ATRN: variants seen among roughly 807,000 people sequenced by gnomAD.
ATRN encodes the protein attractin.
A neutral mutation model predicts 178.7 loss-of-function variants in ATRN; 54 were observed. The ratio of observed to expected loss-of-function variants is 0.30; its 90% CI spans 0.24 to 0.38. The LOEUF is 0.38. ATRN is among the 10% of genes least tolerant of loss of function. The pLI is 1.00. For synonymous variants in ATRN, 636 were observed against 663.0 expected (o/e 0.96, Z 0.63); for missense variants, 1,443 against 1,815.1 (o/e 0.79, Z 3.73).
intron 14 of ATRN, 134 bp downstream of exon 14, chr20:3,577,131 T>C: frequency 4.4e-6 from 5 of 1,125,496 alleles, no homozygotes; most frequent in Non-Finnish European, 6.1e-6. Context: ...ACACGAGTAT[T>C]ATGGGCTTTT....
chr20:3,593,166 A>G (rs983944041), intron 19 of ATRN, among the ~76,000 whole-genome samples: 28 of 152,318 alleles, frequency 1.8e-4, no homozygotes, highest in African/African-American at 6.5e-4. Context: ...TCCAGATGCC[A>G]TCATACCCAC....
At chr20:3,598,127 G>A (rs1001860492) in intron 22 of ATRN, 127 bp downstream of exon 22, 3 of 612,018 alleles carry the variant, frequency 4.9e-6, no homozygotes, top group African/African-American at 1.8e-5. Context: ...ATCTCTAGAG[G>A]TATAGGAAAG....
Position 3,562,368 on chromosome 20 carries a change from C to T in ATRN, c.1540C>T (p.Leu514=), listed in dbSNP as rs1200447853. Reference sequence around the variant, plus strand: ...TGTTTACGACCATAGGACCAGGGCCCTATACGTTCATGGTGGCTACAAGGC... The same window carrying T: ...TGTTTACGACCATAGGACCAGGGCCTTATACGTTCATGGTGGCTACAAGGC... ...SSVYDHRTRA[L]YVHGGYKAFS... The change falls in exon 9 of 29, where the codon CTA becomes TTA. Residue 514 remains leucine, a synonymous_variant. Transcript: ENST00000262919. The T allele has an allele frequency of 6.2e-7, 1 of 1,614,004 alleles. No individual in the cohort carries two copies. Among genetic ancestry groups the T allele is most frequent in the Middle Eastern group, 1.6e-4 (1 of 6,084 alleles).
At chr20:3,564,836 T>C (rs1015560499) in intron 10 of ATRN, among the ~76,000 whole-genome samples, 2 of 151,978 alleles carry the variant, frequency 1.3e-5, no homozygotes, top group Non-Finnish European at 2.9e-5. Flanking sequence ...GAGGCCCAGG[T>C]GGGCAGATCA....
intron 11 of ATRN, among the ~76,000 whole-genome samples, chr20:3,571,796 T>A (rs186252692): frequency 6.6e-6 from 1 of 152,216 alleles, no homozygotes; most frequent in Non-Finnish European, 1.5e-5. Context: ...ACTTTGCTTA[T>A]AGCATTATTT....
chr20:3,609,240 A>G (rs190646602), intron 24 of ATRN, among the ~76,000 whole-genome samples: 5 of 151,824 alleles, frequency 3.3e-5, no homozygotes, highest in African/African-American at 1.2e-4. Context: ...GAGGGCTTTC[A>G]CCTCCTTGGT....
rs1463893064 is a variant in ATRN at position 3,645,430 on chromosome 20, T to A, written c.4165+1162T>A. The stretch of plus-strand genomic sequence containing the variant: ...TTGCCTGTGTTGAGGACAGGACAAC[T>A]CTCTCGTCTGTCACTCAAGTGCAGT... On this transcript the variant is annotated intron_variant, in intron 28 of 28. Transcript: ENST00000262919. This position sits in a 1 kb window ranked among gnomAD's most constrained non-coding sequence, Gnocchi z 4.7. Among the ~76,000 whole-genome samples, 1 of 152,216 alleles carries A rather than the reference T, an allele frequency of 6.6e-6. No individual in the cohort carries two copies. The highest frequency in any genetic ancestry group is 1.5e-5 in the Non-Finnish European group (1 of 68,028).
At chr20:3,481,660 A>ATTC (rs11471775) in intron 1 of ATRN, among the ~76,000 whole-genome samples, 40,556 of 151,790 alleles carry the variant, frequency 0.27, 5,951 homozygotes, top group African/African-American at 0.33. Flanking sequence ...TAAATTTTTA[A>ATTC]TTAAGTTTTC....
Position 3,644,289 on chromosome 20 carries a change from G to A in ATRN, c.4165+21G>A, listed in dbSNP as rs148273458. ...GTCAGGTGAGTAGATGCGGTCCAGC[G>A]AAAGACACCTTCTAAGCATGTGAGG... On this transcript the variant is annotated intron_variant, in intron 28 of 28. Coordinates refer to ENST00000262919, the MANE Select transcript of ATRN (RefSeq NM_139321.3). 234 of 1,559,380 alleles carry A rather than the reference G, an allele frequency of 1.5e-4. 2 individuals carry two copies. The African/African-American group carries it at 2.4e-3, about 16-fold the overall frequency.
chr20:3,629,199 C>T, intron 25 of ATRN: 1 of 985,406 alleles, frequency 1.0e-6, no homozygotes, highest in Non-Finnish European at 1.2e-6. Flanking sequence ...TTTGGCCCCT[C>T]CAGAATCCAC....
intron 11 of ATRN, 54 bp downstream of exon 11, chr20:3,565,486 G>T: frequency 6.7e-7 from 1 of 1,491,242 alleles, no homozygotes; most frequent in Non-Finnish European, 9.3e-7. Flanking sequence ...GAAAATAAAG[G>T]GCCGGGCACG....
chr20:3,529,683 G>T (rs961838210), intron 1 of ATRN, among the ~76,000 whole-genome samples: 1 of 152,142 alleles, frequency 6.6e-6, no homozygotes, highest in Non-Finnish European at 1.5e-5. Context: ...AGAGCTTTTG[G>T]GGGTGAGGAA....
chr20:3,588,263 G>T (rs1435239663), intron 18 of ATRN, among the ~76,000 whole-genome samples: 2 of 151,964 alleles, frequency 1.3e-5, no homozygotes, highest in Non-Finnish European at 2.9e-5. Flanking sequence ...TCATTGTCTT[G>T]TTCCTTTTTT....
In ATRN at chr20:3,471,154, C is replaced by T. The variant is rs1255276448; in HGVS notation, c.47C>T (p.Thr16Met). The change falls in exon 1 of 29, where the codon ACG (threonine) becomes ATG (methionine). Residue 16 changes from threonine (T) to methionine (M), a missense_variant. Around this residue, in one of 4 missense-constraint regions of ATRN, gnomAD observed 862 missense variants for 972.1 expected, o/e 0.89. Coordinates refer to ENST00000262919, the MANE Select transcript of ATRN (RefSeq NM_139321.3). ...AATEARLRRR[T>M]AATAALAGRS... The stretch of plus-strand genomic sequence containing the variant: ...ACTGAGGCAAGGCTGAGGAGGAGGA[C>T]GGCGGCGACGGCAGCGCTCGCGGGC... 1.3e-6 allele frequency: 2 copies of T among 1,506,262 alleles called. No individual in the cohort carries two copies. Among genetic ancestry groups the T allele is most frequent in the Admixed American group, 4.1e-5 (2 of 48,660 alleles). The allele number at this position is 1,506,262 out of a possible 1,614,324, so 93.3% of individuals were successfully genotyped here. A position where few individuals can be genotyped will look rare whatever the true frequency, so the allele number is the denominator to read the frequency against.
intron 1 of ATRN, among the ~76,000 whole-genome samples, chr20:3,503,482 A>G (rs546095161): frequency 6.6e-6 from 1 of 152,310 alleles, no homozygotes; most frequent in South Asian, 2.1e-4. Context: ...ATTATCCTGA[A>G]ACAAAAGATA....
In ATRN at chr20:3,518,999, T is replaced by TTA. The variant is rs200896071; in HGVS notation, c.411-16247_411-16246dup. ...ATAAATAGTGCTTCAATAAACATCCTTATATATAAAAAAAAAAAAAAGAAA... is the reference window on the plus strand; with the variant it reads ...ATAAATAGTGCTTCAATAAACATCCTTATATATATAAAAAAAAAAAAAAGAAA... On this transcript the variant is annotated intron_variant, in intron 1 of 28. Coordinates refer to ENST00000262919, the MANE Select transcript of ATRN (RefSeq NM_139321.3). Among the ~76,000 whole-genome samples, 59 of 101,510 alleles carry TTA rather than the reference T, an allele frequency of 5.8e-4. 1 individual carries two copies. The highest frequency in any genetic ancestry group is 2.2e-3 in the African/African-American group (48 of 22,050). The allele number at this position is 101,510 out of a possible 152,430, so 66.6% of individuals were successfully genotyped here. A position where few individuals can be genotyped will look rare whatever the true frequency, so the allele number is the denominator to read the frequency against.
chr20:3,591,678 C>T (rs2263667), intron 19 of ATRN, among the ~76,000 whole-genome samples: 66,356 of 151,844 alleles, frequency 0.44, 14,823 homozygotes, highest in East Asian at 0.57. Flanking sequence ...CACTGAGGCC[C>T]GGACAAAAGG....
intron 1 of ATRN, among the ~76,000 whole-genome samples, chr20:3,510,143 A>G (rs1317123945): frequency 6.6e-6 from 1 of 152,120 alleles, no homozygotes; most frequent in Non-Finnish European, 1.5e-5. Flanking sequence ...GCTTTAATCT[A>G]CTGTTTGTGT....
intron 6 of ATRN, among the ~76,000 whole-genome samples, chr20:3,556,158 C>T (rs1363001271): frequency 6.6e-6 from 1 of 152,110 alleles, no homozygotes; most frequent in Non-Finnish European, 1.5e-5. Context: ...AAAGCAAAAA[C>T]ACACAAAGGA....
Sources: gnomAD v4.1 joint callset for allele counts (sites outside exome capture counted in the v4.1 genomes callset) on GRCh38, gnomAD v4.1.1 for gene constraint, gnomAD v4.1.1 regional missense constraint, Gnocchi (gnomAD v3.1) non-coding constraint, MANE v1.5 for transcripts, NCBI Gene and HGNC (gene_info 2026-07-23, HGNC 2026-07-21) for gene names.